AMBRA1: variants seen among roughly 807,000 people sequenced by gnomAD.
AMBRA1 encodes activating molecule in BECN1-regulated autophagy protein 1.
A neutral mutation model predicts 125.4 loss-of-function variants in AMBRA1; 47 were observed. The ratio of observed to expected loss-of-function variants is 0.37; its 90% CI spans 0.30 to 0.48. The LOEUF (loss-of-function observed/expected upper bound fraction) is 0.48, where lower values mean the gene tolerates loss of function less well. Ranked by LOEUF, AMBRA1 falls within the 20% of genes least tolerant of loss-of-function variation. The pLI is 0.99. For synonymous variants in AMBRA1, 626 were observed against 655.5 expected, an observed-to-expected ratio of 0.95 and a Z score of 0.69; for missense variants, 1,331 against 1,693.4, an observed-to-expected ratio of 0.79 and a Z score of 3.76.
At chr11:46,570,601 C>T (rs1565309506) in intron 1 of AMBRA1, among the ~76,000 whole-genome samples, 1 of 152,222 alleles carries the variant, frequency 6.6e-6, no homozygotes, top group East Asian at 1.9e-4. Context: ...ACAGACAAAA[C>T]CCTAGCTCAA....
At chr11:46,506,061 C>T (rs1265797667) in intron 9 of AMBRA1, among the ~76,000 whole-genome samples, 1 of 152,154 alleles carries the variant, frequency 6.6e-6, no homozygotes, top group Non-Finnish European at 1.5e-5. Context: ...CAACTGCTTC[C>T]CTGAATAGAC....
At chr11:46,422,148 CTG>C (rs1246658097) in intron 14 of AMBRA1, among the ~76,000 whole-genome samples, 5 of 152,116 alleles carry the variant, frequency 3.3e-5, no homozygotes, top group Non-Finnish European at 7.4e-5. Context: ...AGGGGACCCT[CTG>C]TGGGGCTGAA....
At chr11:46,417,623 CT>C (rs1946604487) in intron 15 of AMBRA1, among the ~76,000 whole-genome samples, 1 of 152,086 alleles carries the variant, frequency 6.6e-6, no homozygotes, top group African/African-American at 2.4e-5. Flanking sequence ...TGCAGGGAAA[CT>C]TTAGTATCAC....
At chr11:46,467,464 C>T (rs946370976) in intron 11 of AMBRA1, among the ~76,000 whole-genome samples, 58 of 151,956 alleles carry the variant, frequency 3.8e-4, no homozygotes, top group African/African-American at 1.4e-3. Flanking sequence ...TCATCACTTA[C>T]TAATCATCAC....
At chr11:46,548,524 A>C in intron 1 of AMBRA1, 24 bp from the exon 2 acceptor site, 1 of 972,298 alleles carries the variant, frequency 1.0e-6, no homozygotes, top group Non-Finnish European at 1.5e-6. Context: ...GAATAATGTC[A>C]AAGAACGACT....
chr11:46,456,372 T>A (rs1049165582), intron 11 of AMBRA1, among the ~76,000 whole-genome samples: 2 of 152,144 alleles, frequency 1.3e-5, no homozygotes, highest in Non-Finnish European at 2.9e-5. Context: ...AACCTGACAC[T>A]GCCAATACTT....
intron 11 of AMBRA1, among the ~76,000 whole-genome samples, chr11:46,449,766 A>G (rs993872126): frequency 6.6e-6 from 1 of 152,220 alleles, no homozygotes; most frequent in Non-Finnish European, 1.5e-5. Flanking sequence ...ACCCAACTTC[A>G]AGACTTAATA....
intron 1 of AMBRA1, among the ~76,000 whole-genome samples, chr11:46,551,110 A>G (rs2042982176): frequency 6.6e-6 from 1 of 151,558 alleles, no homozygotes; most frequent in Non-Finnish European, 1.5e-5. Context: ...AAAAAAAAAA[A>G]AAAAAGAATA....
chr11:46,580,299 T>C (rs919575049), intron 1 of AMBRA1, among the ~76,000 whole-genome samples: 1 of 152,186 alleles, frequency 6.6e-6, no homozygotes, highest in Non-Finnish European at 1.5e-5. Context: ...GGAGATCTCA[T>C]CCATTTCCCT....
intron 9 of AMBRA1, among the ~76,000 whole-genome samples, chr11:46,497,026 C>T (rs1282869739): frequency 2.6e-5 from 4 of 151,874 alleles, no homozygotes; most frequent in Non-Finnish European, 2.9e-5. Flanking sequence ...ACACAAGAAT[C>T]GCTTGAACCA....
At position 46,443,543 on chromosome 11, in the gene AMBRA1, G is replaced by A. The variant is rs759809484; in HGVS notation, c.2577C>T (p.Thr859=). The stretch of plus-strand genomic sequence containing the variant: ...TGAAGTCCCACCACTGGAGCCGGTA[G>A]GTAGTATTGGCAATGTTACTGGCCA... ...SAVASNIANT[T]YRLQWWDFTK... Residue 859 remains threonine, a synonymous_variant, in exon 12 of 18, where the codon ACC becomes ACT. Transcript: ENST00000683756. The A allele has an allele frequency of 4.3e-6, 7 of 1,614,176 alleles. No individual in the cohort carries two copies. Among genetic ancestry groups the A allele is most frequent in the Non-Finnish European group, 5.9e-6 (7 of 1,180,030 alleles).
chr11:46,414,882 C>A (rs981533250), intron 15 of AMBRA1, among the ~76,000 whole-genome samples: 1 of 152,132 alleles, frequency 6.6e-6, no homozygotes, highest in African/African-American at 2.4e-5. Flanking sequence ...TAGTCTACTG[C>A]CAAGTGGGTT....
intron 11 of AMBRA1, among the ~76,000 whole-genome samples, chr11:46,462,602 T>A (rs886639606): frequency 1.3e-5 from 2 of 152,136 alleles, no homozygotes; most frequent in Non-Finnish European, 2.9e-5. Flanking sequence ...CATCACTTTG[T>A]ACATGTGTTT....
At chr11:46,563,108 T>A (rs922207135) in intron 1 of AMBRA1, among the ~76,000 whole-genome samples, 1 of 152,154 alleles carries the variant, frequency 6.6e-6, no homozygotes, top group South Asian at 2.1e-4. Context: ...TAAATAATTA[T>A]ACATAACATT....
intron 15 of AMBRA1, among the ~76,000 whole-genome samples, chr11:46,414,793 G>A (rs995718828): frequency 5.9e-5 from 9 of 152,196 alleles, no homozygotes; most frequent in Non-Finnish European, 1.3e-4. Context: ...TTGTAGAGGG[G>A]CTGACTGGCC....
At chr11:46,416,109 G>C (rs1281677607) in intron 15 of AMBRA1, among the ~76,000 whole-genome samples, 1 of 152,220 alleles carries the variant, frequency 6.6e-6, no homozygotes, top group Admixed American at 6.5e-5. Flanking sequence ...TGGAGAAACA[G>C]GGAAAGAAAG....
intron 7 of AMBRA1, among the ~76,000 whole-genome samples, chr11:46,519,623 C>T (rs1389898019): frequency 1.3e-5 from 2 of 152,210 alleles, no homozygotes; most frequent in African/African-American, 4.8e-5. Context: ...TAATGAATAA[C>T]TTTACAGCCT....
chr11:46,542,966 G>A lies in AMBRA1; in HGVS notation c.1051C>T (p.Pro351Ser). 6.2e-7 allele frequency: 1 copy of A among 1,605,512 alleles called. No individual in the cohort carries two copies. Among genetic ancestry groups the A allele is most frequent in the Non-Finnish European group, 8.5e-7 (1 of 1,179,958 alleles). The change falls in exon 7 of 18, where the codon CCC (proline) becomes TCC (serine). Residue 351 changes from proline (P) to serine (S), a missense_variant. Physicochemically the swap from Pro to Ser is moderately conservative, Grantham distance 74 (BLOSUM62 -1). This residue lies in a region of AMBRA1 where 689 missense variants were observed against 776.5 expected (regional missense o/e 0.89). Coordinates refer to ENST00000683756, the MANE Select transcript of AMBRA1 (RefSeq NM_001387011.1). This position sits in a 1 kb window ranked among gnomAD's most constrained non-coding sequence, Gnocchi z 5.9. ...TGCGTTGACGAGGCCTGCTCCGGGG[G>A]ATGGAAGGGCTCGGTCTGTACAAAA... is the stretch of plus-strand genomic sequence containing the variant. Reference protein sequence around the residue: ...FSFVQTEPFHPPEQASSTQQD... With the variant: ...FSFVQTEPFHSPEQASSTQQD...
chr11:46,412,451 AT>A (rs928534430), intron 15 of AMBRA1, among the ~76,000 whole-genome samples: 2 of 151,534 alleles, frequency 1.3e-5, no homozygotes, highest in African/African-American at 2.4e-5. Flanking sequence ...CGCCTGGCTA[AT>A]TTTTTTTGTT....
Sources: gnomAD v4.1 joint callset for allele counts (sites outside exome capture counted in the v4.1 genomes callset) on GRCh38, gnomAD v4.1.1 for gene constraint, gnomAD v4.1.1 regional missense constraint, Gnocchi (gnomAD v3.1) non-coding constraint, MANE v1.5 for transcripts, NCBI Gene and HGNC (gene_info 2026-07-23, HGNC 2026-07-21) for gene names.